Variants in AGAP1 observed in about 807,000 individuals in gnomAD.
The protein encoded by AGAP1 is ArfGAP with GTPase domain, ankyrin repeat and PH domain 1.
AGAP1 carries 29 observed loss-of-function variants against 105.3 expected under a neutral mutation model. The observed-to-expected ratio is 0.28, with a 90% confidence interval of 0.21 to 0.38. The LOEUF is 0.38. Ranked by LOEUF, AGAP1 falls within the 10% of genes least tolerant of loss-of-function variation. The probability of loss-of-function intolerance (pLI) is 1.00; values close to 1 mark genes in which losing one functional copy is unlikely to be tolerated. For synonymous variants in AGAP1, 509 were observed against 485.9 expected, an observed-to-expected ratio of 1.05 and a Z score of -0.63; for missense variants, 998 against 1,165.1, an observed-to-expected ratio of 0.86 and a Z score of 2.09.
chr2:235,570,289 A>G (rs971780673), intron 1 of AGAP1, among the ~76,000 whole-genome samples: 8 of 152,196 alleles, frequency 5.3e-5, no homozygotes, highest in African/African-American at 1.7e-4. Flanking sequence ...CCCTGCCTCC[A>G]TTAGGAAGCC....
intron 6 of AGAP1, among the ~76,000 whole-genome samples, chr2:235,776,644 G>A (rs945232895): frequency 5.1e-4 from 77 of 152,286 alleles, no homozygotes; most frequent in African/African-American, 1.8e-3. Context: ...CCCAGTGGGC[G>A]TCACTCGCTC....
chr2:235,953,937 T>G lies in AGAP1; in HGVS notation c.1484-14525T>G, dbSNP rs1435449165. 6.6e-6 allele frequency among the ~76,000 whole-genome samples: 1 copy of G among 151,898 alleles called. No homozygotes were observed. The highest frequency in any genetic ancestry group is 1.5e-5 in the Non-Finnish European group (1 of 67,988). The stretch of plus-strand genomic sequence containing the variant: ...CATTGTCTGAAAAAGAAAATGTACT[T>G]TTAAAAATCAGGCCAGGCACAGTGG... On this transcript the variant is annotated intron_variant, in intron 12 of 17. Coordinates refer to ENST00000304032, the MANE Select transcript of AGAP1 (RefSeq NM_001037131.3). This position sits in a 1 kb window ranked among gnomAD's most constrained non-coding sequence, Gnocchi z 5.2.
Position 236,080,542 on chromosome 2 carries a change from G to C in AGAP1, c.2114+31261G>C, listed in dbSNP as rs999216416. Among the ~76,000 whole-genome samples the C allele has an allele frequency of 3.9e-5, 6 of 152,230 alleles. No homozygotes were observed. Among genetic ancestry groups the C allele is most frequent in the African/African-American group, 1.2e-4 (5 of 41,466 alleles). ...ATGCCACCAAGGGCAGCCACCTGCT[G>C]TATCTTGTACACGTTTCATCCATCC... On this transcript the variant is annotated intron_variant, in intron 16 of 17. Coordinates refer to ENST00000304032, the MANE Select transcript of AGAP1 (RefSeq NM_001037131.3). This position sits in a 1 kb window ranked among gnomAD's most constrained non-coding sequence, Gnocchi z 4.2.
chr2:235,544,047 C>T (rs1943543267), intron 1 of AGAP1, among the ~76,000 whole-genome samples: 1 of 152,224 alleles, frequency 6.6e-6, no homozygotes. Flanking sequence ...GAGTCACCCC[C>T]TGCCCCCACT....
At position 235,608,468 on chromosome 2, in the gene AGAP1, G is replaced by T. The variant is rs1946020968; in HGVS notation, c.164-100711G>T. ...AGACCTGGAGATGCTCAGGGAAGGG[G>T]GTGGTCAGGCCCTGGGTCCCATGTT... On this transcript the variant is annotated intron_variant, in intron 1 of 17. Transcript: ENST00000304032. The surrounding 1 kb of genome is among the most constrained non-coding windows in gnomAD (Gnocchi z 5.4). 6.6e-6 allele frequency among the ~76,000 whole-genome samples: 1 copy of T among 152,178 alleles called. No individual in the cohort carries two copies. Among genetic ancestry groups the T allele is most frequent in the Non-Finnish European group, 1.5e-5 (1 of 68,038 alleles).
rs1205941775 is a variant in AGAP1 at position 235,934,270 on chromosome 2, G to GT, written c.1483+3348dup. Among the ~76,000 whole-genome samples, 2 of 152,176 alleles carry GT rather than the reference G, an allele frequency of 1.3e-5. No homozygotes were observed. The highest frequency in any genetic ancestry group is 2.4e-5 in the African/African-American group (1 of 41,446). ...ATGCTGAAGCTTGGGAACCACTGCT[G>GT]TAAGTCCTCACTTCCCAAAGCCTGG... On this transcript the variant is annotated intron_variant, in intron 12 of 17. Transcript: ENST00000304032. The surrounding 1 kb of genome is among the most constrained non-coding windows in gnomAD (Gnocchi z 4.9).
At chr2:235,873,580 C>G (rs1164134512) in intron 9 of AGAP1, among the ~76,000 whole-genome samples, 1 of 152,094 alleles carries the variant, frequency 6.6e-6, no homozygotes, top group Non-Finnish European at 1.5e-5. Context: ...AAATCCACAG[C>G]TGGGGAGTCC....
chr2:235,762,930 T>G (rs1380293083), intron 6 of AGAP1, among the ~76,000 whole-genome samples: 1 of 152,082 alleles, frequency 6.6e-6, no homozygotes, highest in African/African-American at 2.4e-5. Flanking sequence ...TTGGATGTTG[T>G]GAAATTTGCC....
chr2:235,788,341 A>ATTT lies in AGAP1; in HGVS notation c.674-9418_674-9417insTTT, dbSNP rs1956772894. Among the ~76,000 whole-genome samples the ATTT allele has an allele frequency of 6.6e-6, 1 of 152,186 alleles. No individual in the cohort carries two copies. Among genetic ancestry groups the ATTT allele is most frequent in the African/African-American group, 2.4e-5 (1 of 41,448 alleles). ...GAAGATTTGAGGATTTTAATTCAGG[A>ATTT]AAGTCCACCAAAAGGATAAACAGCT... On this transcript the variant is annotated intron_variant, in intron 6 of 17. Coordinates refer to ENST00000304032, the MANE Select transcript of AGAP1 (RefSeq NM_001037131.3). This position sits in a 1 kb window ranked among gnomAD's most constrained non-coding sequence, Gnocchi z 6.0.
At chr2:236,052,237 C>T (rs2057921952) in intron 16 of AGAP1, among the ~76,000 whole-genome samples, 1 of 152,188 alleles carries the variant, frequency 6.6e-6, no homozygotes, top group Non-Finnish European at 1.5e-5. Flanking sequence ...TCCCAAGGAG[C>T]TCTGGTCCAT....
intron 9 of AGAP1, among the ~76,000 whole-genome samples, chr2:235,823,719 A>G (rs1193629899): frequency 1.3e-5 from 2 of 152,244 alleles, no homozygotes; most frequent in Non-Finnish European, 2.9e-5. Flanking sequence ...GCGACTGGTC[A>G]GCTTTTTCTA....
chr2:235,822,198 AAGT>A (rs1958827034), intron 9 of AGAP1, among the ~76,000 whole-genome samples: 1 of 152,370 alleles, frequency 6.6e-6, no homozygotes, highest in South Asian at 2.1e-4. Flanking sequence ...ACTCAATAAT[AAGT>A]AGGTTTTATA....
chr2:235,532,152 A>G (rs1454307460), intron 1 of AGAP1, among the ~76,000 whole-genome samples: 3 of 152,240 alleles, frequency 2.0e-5, no homozygotes, highest in African/African-American at 4.8e-5. Context: ...ACAGTTGCCT[A>G]TAATTCTTCT....
intron 6 of AGAP1, among the ~76,000 whole-genome samples, chr2:235,779,327 T>C (rs1342774592): frequency 1.4e-5 from 2 of 146,192 alleles, no homozygotes; most frequent in Admixed American, 6.6e-5. Context: ...CTTTTAAGAC[T>C]GTGTTGGGTT....
At chr2:235,776,405 A>G (rs538391485) in intron 6 of AGAP1, among the ~76,000 whole-genome samples, 3 of 152,292 alleles carry the variant, frequency 2.0e-5, no homozygotes, top group African/African-American at 7.2e-5. Context: ...CCCCACACTG[A>G]ATCTTTGCTG....
At chr2:236,070,585 T>C (rs979687245) in intron 16 of AGAP1, among the ~76,000 whole-genome samples, 6 of 152,234 alleles carry the variant, frequency 3.9e-5, no homozygotes, top group Non-Finnish European at 8.8e-5. Flanking sequence ...AAATATGGTG[T>C]ATCCACACAA....
At chr2:235,592,818 G>A (rs573111603) in intron 1 of AGAP1, among the ~76,000 whole-genome samples, 5 of 152,282 alleles carry the variant, frequency 3.3e-5, no homozygotes, top group East Asian at 3.9e-4. Context: ...GTGGCTGCTC[G>A]TCTGGAGAAG....
intron 6 of AGAP1, among the ~76,000 whole-genome samples, chr2:235,759,278 C>G (rs2149769540): frequency 6.6e-6 from 1 of 151,278 alleles, no homozygotes; most frequent in South Asian, 2.1e-4. Context: ...ACACCATTCT[C>G]CTGCTTCAGC....
At chr2:235,570,655 A>G (rs920332491) in intron 1 of AGAP1, among the ~76,000 whole-genome samples, 1 of 152,204 alleles carries the variant, frequency 6.6e-6, no homozygotes, top group Non-Finnish European at 1.5e-5. Flanking sequence ...ATTAGAGACT[A>G]GTTTTTTAAA....
Sources: gnomAD v4.1 joint callset for allele counts (sites outside exome capture counted in the v4.1 genomes callset) on GRCh38, gnomAD v4.1.1 for gene constraint, Gnocchi (gnomAD v3.1) non-coding constraint, MANE v1.5 for transcripts, NCBI Gene and HGNC (gene_info 2026-07-23, HGNC 2026-07-21) for gene names.